The following TTC28 variants were observed in gnomAD, a reference collection of about 807,000 sequenced individuals.
TTC28 encodes tetratricopeptide repeat domain 28.
In TTC28, 61 loss-of-function variants were observed where a neutral mutation model predicts 198.0. That is an observed-to-expected ratio of 0.31 (90% confidence interval 0.25 to 0.38). TTC28 has a LOEUF of 0.38. Ranked by LOEUF, TTC28 falls within the 10% of genes least tolerant of loss-of-function variation. The pLI is 1.00. For missense variants in TTC28, 2,678 were observed against 3,164.0 expected, an observed-to-expected ratio of 0.85 and a Z score of 3.69; for synonymous variants, 1,171 against 1,297.8, an observed-to-expected ratio of 0.90 and a Z score of 2.10.
intron 2 of TTC28, among the ~76,000 whole-genome samples, chr22:28,560,996 A>ATC (rs939664730): frequency 5.3e-5 from 8 of 150,034 alleles, no homozygotes; most frequent in Admixed American, 2.0e-4. Flanking sequence ...ACCTCAAGTG[A>ATC]TCTGCCCACC....
intron 2 of TTC28, among the ~76,000 whole-genome samples, chr22:28,386,290 AAAAAAAAAAAAAAAAAG>A (rs1477766154): frequency 7.1e-6 from 1 of 141,524 alleles, no homozygotes; most frequent in Non-Finnish European, 1.5e-5. Context: ...AAAAAAAAAA[AAAAAAAAAAAAAAAAAG>A]AAGGCTTCAC....
intron 2 of TTC28, among the ~76,000 whole-genome samples, chr22:28,385,944 A>C (rs2046575924): frequency 6.6e-6 from 1 of 152,262 alleles, no homozygotes; most frequent in East Asian, 1.9e-4. Context: ...AAAATCTTCC[A>C]AACTTTCTAA....
chr22:28,368,943 T>C (rs1208495089), intron 2 of TTC28, among the ~76,000 whole-genome samples: 1 of 152,048 alleles, frequency 6.6e-6, no homozygotes, highest in African/African-American at 2.4e-5. Context: ...TAAGAATCAA[T>C]ATTGTTAAAA....
intron 2 of TTC28, among the ~76,000 whole-genome samples, chr22:28,604,295 A>ATT (rs1453421877): frequency 0.029 from 2,848 of 99,576 alleles, 58 homozygotes; most frequent in African/African-American, 0.05. Flanking sequence ...AAAAAAAAAA[A>ATT]ATTATATATA....
rs888102491 is a variant in TTC28, at chr22:28,307,303, C to T, written c.382-660G>A. 7.2e-5 allele frequency among the ~76,000 whole-genome samples: 11 copies of T among 152,192 alleles called. No individual in the cohort carries two copies. The South Asian group carries it at 2.3e-3, about 32-fold the overall frequency. On this transcript the variant is annotated intron_variant, in intron 2 of 22. Transcript: ENST00000397906. ...CAATTGTGATTATAGGAAAACATTC[C>T]TCCTTCTAACTAACTGCAGAAAAGA...
intron 6 of TTC28, among the ~76,000 whole-genome samples, chr22:28,120,239 A>G (rs1422328896): frequency 6.6e-6 from 1 of 152,136 alleles, no homozygotes; most frequent in Non-Finnish European, 1.5e-5. Flanking sequence ...CATAAATCTA[A>G]CTGCTTTCTG....
At chr22:28,636,433 T>A (rs2051273303) in intron 1 of TTC28, among the ~76,000 whole-genome samples, 1 of 152,164 alleles carries the variant, frequency 6.6e-6, no homozygotes, top group Non-Finnish European at 1.5e-5. Context: ...TGAATAATAT[T>A]GTATTTTGCA....
intron 6 of TTC28, among the ~76,000 whole-genome samples, chr22:28,152,943 TTTTA>T (rs1601392895): frequency 6.6e-6 from 1 of 152,134 alleles, no homozygotes; most frequent in East Asian, 1.9e-4. Context: ...TTTTAAAAAT[TTTTA>T]TTTATTTAGG....
intron 5 of TTC28, among the ~76,000 whole-genome samples, chr22:28,270,349 A>G (rs1931979765): frequency 6.6e-6 from 1 of 152,184 alleles, no homozygotes; most frequent in African/African-American, 2.4e-5. Flanking sequence ...AAACAAAATA[A>G]AGAGAGATAG....
intron 2 of TTC28, among the ~76,000 whole-genome samples, chr22:28,530,093 G>A (rs766110266): frequency 7.9e-5 from 12 of 151,838 alleles, no homozygotes; most frequent in South Asian, 2.1e-4. Context: ...TCAGATGATC[G>A]GTAGTAACAA....
chr22:28,001,687 T>C (rs1337041245), intron 14 of TTC28, 134 bp from the exon 15 acceptor site: 34 of 1,064,862 alleles, frequency 3.2e-5, no homozygotes, highest in East Asian at 5.2e-5. Context: ...TGGGGCGCCA[T>C]GGGGCATGGG....
intron 5 of TTC28, among the ~76,000 whole-genome samples, chr22:28,250,936 G>A (rs1414651345): frequency 6.6e-6 from 1 of 152,184 alleles, no homozygotes; most frequent in African/African-American, 2.4e-5. Flanking sequence ...CCTTTCTGTG[G>A]TTGGCACTAC....
At chr22:28,518,209 C>T (rs1334639079) in intron 2 of TTC28, among the ~76,000 whole-genome samples, 2 of 152,088 alleles carry the variant, frequency 1.3e-5, no homozygotes, top group African/African-American at 4.8e-5. Context: ...TTCATGAAGA[C>T]TGCTTTAGTG....
At chr22:28,334,819 G>C (rs971844826) in intron 2 of TTC28, among the ~76,000 whole-genome samples, 5 of 152,132 alleles carry the variant, frequency 3.3e-5, no homozygotes, top group African/African-American at 1.2e-4. Context: ...GCTGATGGTA[G>C]GTTCCTTTGC....
chr22:28,219,174 TG>T (rs924572953), intron 5 of TTC28, among the ~76,000 whole-genome samples: 1 of 152,040 alleles, frequency 6.6e-6, no homozygotes, highest in Non-Finnish European at 1.5e-5. Context: ...TAACGTCTCT[TG>T]GTCTTGCTTT....
chr22:28,470,889 G>A (rs374778843), intron 2 of TTC28, among the ~76,000 whole-genome samples: 8 of 152,290 alleles, frequency 5.3e-5, no homozygotes, highest in South Asian at 2.1e-4. Flanking sequence ...GAGATGACTC[G>A]AAATGTGGAG....
intron 5 of TTC28, among the ~76,000 whole-genome samples, chr22:28,279,941 C>T (rs1397234556): frequency 6.6e-6 from 1 of 152,158 alleles, no homozygotes; most frequent in East Asian, 1.9e-4. Flanking sequence ...AGATTTATTC[C>T]TGTTGCTACA....
intron 5 of TTC28, among the ~76,000 whole-genome samples, chr22:28,233,585 A>T (rs908418414): frequency 6.6e-6 from 1 of 152,226 alleles, no homozygotes; most frequent in African/African-American, 2.4e-5. Flanking sequence ...AGTATTCTTC[A>T]GACATTACAG....
chr22:28,512,094 C>CA (rs58981075), intron 2 of TTC28, among the ~76,000 whole-genome samples: 2,248 of 142,508 alleles, frequency 0.016, 46 homozygotes, highest in African/African-American at 0.042. Flanking sequence ...ACTTAAATTA[C>CA]AAAAAAAAAA....
Sources: gnomAD v4.1 joint callset for allele counts (sites outside exome capture counted in the v4.1 genomes callset) on GRCh38, gnomAD v4.1.1 for gene constraint, MANE v1.5 for transcripts, NCBI Gene and HGNC (gene_info 2026-07-23, HGNC 2026-07-21) for gene names.